Variants in ZNF521 observed in about 807,000 individuals in gnomAD.
The protein encoded by ZNF521 is zinc finger protein 521.
Under a neutral mutation model 105.5 loss-of-function variants are expected in ZNF521, and 14 were observed. The ratio of observed to expected loss-of-function variants is 0.13; its 90% CI spans 0.09 to 0.21. ZNF521 has a LOEUF of 0.21. Ranked by LOEUF, ZNF521 falls within the 10% of genes least tolerant of loss-of-function variation. The pLI is 1.00. For missense variants in ZNF521, 1,233 were observed against 1,629.7 expected, an observed-to-expected ratio of 0.76 and a Z score of 4.19; for synonymous variants, 635 against 606.0, an observed-to-expected ratio of 1.05 and a Z score of -0.70.
intron 7 of ZNF521, among the ~76,000 whole-genome samples, chr18:25,087,506 A>G (rs1192259238): frequency 2.6e-5 from 4 of 152,206 alleles, no homozygotes; most frequent in Admixed American, 2.0e-4. Flanking sequence ...CTAGGTAGGA[A>G]TCAGTCTCTA....
At chr18:25,269,356 C>T (rs1285651982) in intron 3 of ZNF521, among the ~76,000 whole-genome samples, 1 of 152,122 alleles carries the variant, frequency 6.6e-6, no homozygotes, top group African/African-American at 2.4e-5. Context: ...TTTATTGACC[C>T]CACTGTCAAT....
intron 5 of ZNF521, among the ~76,000 whole-genome samples, chr18:25,130,524 A>G (rs1007801647): frequency 3.3e-5 from 5 of 152,202 alleles, no homozygotes; most frequent in Non-Finnish European, 7.3e-5. Flanking sequence ...TAGCAAATGT[A>G]CCATACCACT....
At chr18:25,342,418 T>TGTTG (rs1914250623) in intron 2 of ZNF521, among the ~76,000 whole-genome samples, 1 of 150,110 alleles carries the variant, frequency 6.7e-6, no homozygotes, top group Non-Finnish European at 1.5e-5. Context: ...GTTTTTTTTT[T>TGTTG]GTTTGTTTGT....
At chr18:25,262,147 T>C (rs1908954133) in intron 3 of ZNF521, among the ~76,000 whole-genome samples, 1 of 152,190 alleles carries the variant, frequency 6.6e-6, no homozygotes. Flanking sequence ...TATGTCATCT[T>C]TCTTTACACT....
chr18:25,302,009 G>C (rs1204985003), intron 3 of ZNF521: 1 of 152,140 alleles, frequency 6.6e-6, no homozygotes, highest in Non-Finnish European at 1.5e-5. Flanking sequence ...AATCATGACA[G>C]AGCCAGTAAA....
At chr18:25,194,474 A>T (rs551493637) in intron 5 of ZNF521, among the ~76,000 whole-genome samples, 5 of 151,896 alleles carry the variant, frequency 3.3e-5, no homozygotes, top group African/African-American at 1.2e-4. Flanking sequence ...ATAATGGGAC[A>T]ATATGAATAA....
At position 25,227,492 on chromosome 18, in the gene ZNF521, G is replaced by A. The variant is rs941188448; in HGVS notation, c.426C>T (p.Asp142=). 5 of 1,614,164 alleles carry A rather than the reference G, an allele frequency of 3.1e-6. No individual in the cohort carries two copies. The highest frequency in any genetic ancestry group is 1.6e-4 in the Middle Eastern group (1 of 6,062). ...YLKHHEQSHS[D]KLPFKCTYCS... ...AGTAGGTGCATTTGAAAGGCAGTTT[G>A]TCACTGTGACTCTGCTCATGGTGCT... The change falls in exon 4 of 8, where the codon GAC becomes GAT. Residue 142 remains aspartate (D), a synonymous_variant. Transcript: ENST00000361524. This position sits in a 1 kb window ranked among gnomAD's most constrained non-coding sequence, Gnocchi z 5.7.
In ZNF521 at chr18:25,225,915, T is replaced by C. The variant is rs768266008; in HGVS notation, c.2003A>G (p.Gln668Arg). ...DTVLPKLTCP[Q>R]CNKEFPNQES... ...TTGGTTGGGGAATTCCTTGTTGCAC[T>C]GAGGACAGGTCAATTTTGGAAGCAC... The change falls in exon 4 of 8, where the codon CAG (glutamine) becomes CGG (arginine). Residue 668 changes from glutamine to arginine, a missense_variant. By Grantham distance (43) the Gln-to-Arg change is conservative. Transcript: ENST00000361524. This position sits in a 1 kb window ranked among gnomAD's most constrained non-coding sequence, Gnocchi z 5.6. The C allele has an allele frequency of 1.2e-6, 2 of 1,614,168 alleles. No homozygotes were observed. The highest frequency in any genetic ancestry group is 2.2e-5 in the East Asian group (1 of 44,882).
chr18:25,326,637 A>T (rs1913239420), intron 2 of ZNF521, among the ~76,000 whole-genome samples: 1 of 152,202 alleles, frequency 6.6e-6, no homozygotes, highest in South Asian at 2.1e-4. Flanking sequence ...GCAAGTACAC[A>T]GTGCAGGCCC....
intron 7 of ZNF521, among the ~76,000 whole-genome samples, chr18:25,066,188 G>A (rs1162716031): frequency 6.6e-6 from 1 of 152,186 alleles, no homozygotes; most frequent in Non-Finnish European, 1.5e-5. Flanking sequence ...TGCTATGGCA[G>A]GGTGTCCCCA....
chr18:25,155,968 G>C (rs114989228), intron 5 of ZNF521, among the ~76,000 whole-genome samples: 1,784 of 152,228 alleles, frequency 0.012, 35 homozygotes, highest in African/African-American at 0.041. Flanking sequence ...CAGTGGGAAA[G>C]ATATTAAGTT....
intron 3 of ZNF521, among the ~76,000 whole-genome samples, chr18:25,258,260 C>T (rs1908659795): frequency 6.6e-6 from 1 of 152,152 alleles, no homozygotes; most frequent in Non-Finnish European, 1.5e-5. Context: ...GATAATATCA[C>T]TGGAGAATTG....
intron 7 of ZNF521, among the ~76,000 whole-genome samples, chr18:25,087,642 AT>A: frequency 6.6e-6 from 1 of 152,248 alleles, no homozygotes; most frequent in East Asian, 1.9e-4. Context: ...AAAATGACTT[AT>A]GCTTTGATAC....
intron 3 of ZNF521, among the ~76,000 whole-genome samples, chr18:25,267,544 G>A (rs553183014): frequency 4.6e-4 from 70 of 152,268 alleles, no homozygotes; most frequent in Admixed American, 1.6e-3. Context: ...TTGGCATCTG[G>A]TGGGTGACCC....
intron 5 of ZNF521, among the ~76,000 whole-genome samples, chr18:25,182,925 G>A (rs1600128803): frequency 6.6e-6 from 1 of 152,166 alleles, no homozygotes; most frequent in Non-Finnish European, 1.5e-5. Context: ...ACCTACCAAC[G>A]TGATGACAGT....
intron 5 of ZNF521, among the ~76,000 whole-genome samples, chr18:25,108,907 G>T (rs2034127909): frequency 6.6e-6 from 1 of 152,172 alleles, no homozygotes; most frequent in Non-Finnish European, 1.5e-5. Context: ...TTACAGGTGT[G>T]AGCCACTGCA....
chr18:25,325,873 C>T (rs913896525), intron 2 of ZNF521, among the ~76,000 whole-genome samples: 2 of 152,152 alleles, frequency 1.3e-5, no homozygotes, highest in African/African-American at 2.4e-5. Context: ...GCATTCTTTT[C>T]CCTGATTGTG....
At chr18:25,261,791 A>G (rs952978521) in intron 3 of ZNF521, among the ~76,000 whole-genome samples, 1 of 152,114 alleles carries the variant, frequency 6.6e-6, no homozygotes, top group African/African-American at 2.4e-5. Context: ...GCTTAAAGGA[A>G]AGCGGCTCTG....
intron 5 of ZNF521, among the ~76,000 whole-genome samples, chr18:25,169,545 T>A (rs982890348): frequency 3.3e-5 from 5 of 152,168 alleles, no homozygotes; most frequent in African/African-American, 7.2e-5. Context: ...CTATTTTTTT[T>A]AATAAAGACT....
Sources: allele counts gnomAD v4.1 joint callset (sites outside exome capture counted in the v4.1 genomes callset), GRCh38; gene constraint gnomAD v4.1.1; non-coding constraint Gnocchi (gnomAD v3.1); transcripts MANE v1.5; gene names NCBI Gene and HGNC (gene_info 2026-07-23, HGNC 2026-07-21).